The following MAGI2 variants were observed in gnomAD, a reference collection of about 807,000 sequenced individuals.
The protein encoded by MAGI2 is membrane-associated guanylate kinase, WW and PDZ domain-containing protein 2.
Under a neutral mutation model 133.3 loss-of-function variants are expected in MAGI2, and 35 were observed. The ratio of observed to expected loss-of-function variants is 0.26; its 90% CI spans 0.20 to 0.35. MAGI2 has a LOEUF of 0.35. Among genes scored for constraint, MAGI2 ranks in the 10% least tolerant of loss-of-function variants. The pLI is 1.00. For synonymous variants in MAGI2, 729 were observed against 710.6 expected, an observed-to-expected ratio of 1.03 and a Z score of -0.41; for missense variants, 1,636 against 1,863.4, an observed-to-expected ratio of 0.88 and a Z score of 2.25.
At chr7:78,044,560 A>G (rs1357670800) in intron 21 of MAGI2, among the ~76,000 whole-genome samples, 1 of 152,184 alleles carries the variant, frequency 6.6e-6, no homozygotes, top group South Asian at 2.1e-4. Context: ...ACGACAGTAC[A>G]CTGTGAAATC....
chr7:78,910,098 A>G (rs1452206139), intron 2 of MAGI2, among the ~76,000 whole-genome samples: 1 of 152,058 alleles, frequency 6.6e-6, no homozygotes, highest in African/African-American at 2.4e-5. Context: ...GAACACATGG[A>G]CACAGGGAGG....
chr7:79,417,304 A>G (rs1189389663), intron 1 of MAGI2, among the ~76,000 whole-genome samples: 1 of 152,170 alleles, frequency 6.6e-6, no homozygotes, highest in Non-Finnish European at 1.5e-5. Flanking sequence ...TATATTGAGA[A>G]AACCAGAGCT....
chr7:78,672,272 C>G (rs779800380), intron 2 of MAGI2, among the ~76,000 whole-genome samples: 4 of 152,002 alleles, frequency 2.6e-5, no homozygotes, highest in Non-Finnish European at 5.9e-5. Flanking sequence ...GGACCTCCCC[C>G]CTCTCTCTCT....
rs1379864577 is a variant in MAGI2, at chr7:79,409,395, G to A, written c.301+43625C>T. On this transcript the variant is annotated intron_variant, in intron 1 of 21. Coordinates refer to ENST00000354212, the MANE Select transcript of MAGI2 (RefSeq NM_012301.4). ...CTGCCTCAGCCTCTCGAGTAGCTGC[G>A]ATTACAGACAAGCACAAGCCACTGT... Among the ~76,000 whole-genome samples, 8 of 151,772 alleles carry A rather than the reference G, an allele frequency of 5.3e-5. No homozygotes were observed. The East Asian group carries it at 9.7e-4, about 18-fold the overall frequency.
intron 1 of MAGI2, among the ~76,000 whole-genome samples, chr7:79,361,955 A>G (rs1186434264): frequency 6.6e-5 from 10 of 152,110 alleles, no homozygotes; most frequent in Non-Finnish European, 1.3e-4. Flanking sequence ...AGCATCAAAT[A>G]GTTACAGTTT....
intron 3 of MAGI2, among the ~76,000 whole-genome samples, chr7:78,560,729 C>A (rs961662386): frequency 1.3e-5 from 2 of 152,118 alleles, no homozygotes; most frequent in Non-Finnish European, 1.5e-5. Flanking sequence ...CTTTGATAGC[C>A]TTTTGTCTGC....
Position 79,140,148 on chromosome 7 carries a change from T to A in MAGI2, c.302-132942A>T, listed in dbSNP as rs1042123111. ...CATTTGATTTCCCCCAGGTTTTGAC[T>A]TCTGATCATGAAAGCCCATCACATT... is the stretch of plus-strand genomic sequence containing the variant. On this transcript the variant is annotated intron_variant, in intron 1 of 21. Transcript: ENST00000354212. Among the ~76,000 whole-genome samples, 55 of 152,214 alleles carry A rather than the reference T, an allele frequency of 3.6e-4. 1 individual carries two copies. The highest frequency in any genetic ancestry group is 1.1e-3 in the African/African-American group (44 of 41,462).
chr7:78,815,254 A>G (rs1789463619), intron 2 of MAGI2, among the ~76,000 whole-genome samples: 1 of 152,176 alleles, frequency 6.6e-6, no homozygotes, highest in Non-Finnish European at 1.5e-5. Flanking sequence ...GTAGTCAGCC[A>G]GGTGGAACTA....
chr7:78,903,352 C>G (rs1797764810), intron 2 of MAGI2, among the ~76,000 whole-genome samples: 1 of 151,722 alleles, frequency 6.6e-6, no homozygotes, highest in Non-Finnish European at 1.5e-5. Flanking sequence ...CGCTACCACG[C>G]CCGGCTAATT....
chr7:78,182,100 A>G (rs1045110154), intron 13 of MAGI2, among the ~76,000 whole-genome samples: 1 of 152,222 alleles, frequency 6.6e-6, no homozygotes, highest in Non-Finnish European at 1.5e-5. Flanking sequence ...CATAAGTACC[A>G]TGGCTTATCA....
intron 1 of MAGI2, among the ~76,000 whole-genome samples, chr7:79,447,687 T>C (rs935100730): frequency 6.6e-6 from 1 of 151,882 alleles, no homozygotes; most frequent in Non-Finnish European, 1.5e-5. Context: ...GTTAATAGTA[T>C]TTAAATAGTA....
At chr7:79,368,171 T>C (rs1378261936) in intron 1 of MAGI2, among the ~76,000 whole-genome samples, 1 of 152,034 alleles carries the variant, frequency 6.6e-6, no homozygotes, top group Admixed American at 6.6e-5. Context: ...CTTTTCATCA[T>C]AATCAACTAT....
intron 2 of MAGI2, among the ~76,000 whole-genome samples, chr7:78,730,195 C>G (rs1821232923): frequency 6.6e-6 from 1 of 152,090 alleles, no homozygotes; most frequent in South Asian, 2.1e-4. Context: ...TCTGTGCAGT[C>G]AAAACAATTT....
chr7:78,762,814 C>T (rs562456798), intron 2 of MAGI2, among the ~76,000 whole-genome samples: 44 of 152,268 alleles, frequency 2.9e-4, no homozygotes, highest in African/African-American at 1.0e-3. Flanking sequence ...TTCAAAGATA[C>T]AGAACACCTG....
At chr7:78,383,542 A>G (rs1795114775) in intron 6 of MAGI2, among the ~76,000 whole-genome samples, 1 of 152,070 alleles carries the variant, frequency 6.6e-6, no homozygotes, top group South Asian at 2.1e-4. Context: ...ATTTTCTTCC[A>G]TTCAACATGC....
rs567110799 is a variant in MAGI2 at position 78,340,923 on chromosome 7, T to C, written c.1408+2855A>G. Among the ~76,000 whole-genome samples the C allele has an allele frequency of 7.3e-4, 111 of 152,230 alleles. 1 individual carries two copies. The highest frequency in any genetic ancestry group is 2.5e-3 in the African/African-American group (103 of 41,538). On this transcript the variant is annotated intron_variant, in intron 9 of 21. Coordinates refer to ENST00000354212, the MANE Select transcript of MAGI2 (RefSeq NM_012301.4). ...AGACAAGGATACCCTCTCTCACCAC[T>C]CCTATTCAACATAGTATTGGAAGTT...
chr7:79,043,833 C>G (rs1283857354), intron 1 of MAGI2, among the ~76,000 whole-genome samples: 1 of 151,946 alleles, frequency 6.6e-6, no homozygotes, highest in African/African-American at 2.4e-5. Context: ...TAAACACTCC[C>G]AAGATTGAAA....
At chr7:78,815,788 G>C (rs1789522518) in intron 2 of MAGI2, among the ~76,000 whole-genome samples, 1 of 152,106 alleles carries the variant, frequency 6.6e-6, no homozygotes, top group Non-Finnish European at 1.5e-5. Flanking sequence ...CCACCAAATA[G>C]CTGTTCTGTC....
intron 1 of MAGI2, among the ~76,000 whole-genome samples, chr7:79,371,129 C>T (rs959475762): frequency 2.0e-5 from 3 of 152,072 alleles, no homozygotes; most frequent in African/African-American, 7.2e-5. Flanking sequence ...ATATTTTCTT[C>T]TTCTAAAATC....
Sources: gnomAD v4.1 joint callset for allele counts (sites outside exome capture counted in the v4.1 genomes callset) on GRCh38, gnomAD v4.1.1 for gene constraint, MANE v1.5 for transcripts, NCBI Gene and HGNC (gene_info 2026-07-23, HGNC 2026-07-21) for gene names.